The following GOT1 variants were observed in gnomAD, a reference collection of about 807,000 sequenced individuals.
The protein encoded by GOT1 is aspartate aminotransferase, cytoplasmic.
Under a neutral mutation model 48.2 loss-of-function variants are expected in GOT1, and 25 were observed. The ratio of observed to expected loss-of-function variants is 0.52; its 90% confidence interval spans 0.38 to 0.72. The LOEUF is 0.72. Ranked by LOEUF, GOT1 falls within the 30% of genes least tolerant of loss-of-function variation. GOT1 has a pLI of 0.00. For missense variants in GOT1, 380 were observed against 520.1 expected (o/e 0.73, Z 2.62); for synonymous variants, 188 against 193.8 (o/e 0.97, Z 0.25).
intron 2 of GOT1, among the ~76,000 whole-genome samples, chr10:99,418,493 T>C (rs563064672): frequency 0.017 from 702 of 41,634 alleles, 6 homozygotes; most frequent in African/African-American, 0.046. Context: ...TTCCCCACTT[T>C]CTTTTTTTTT....
intron 2 of GOT1, among the ~76,000 whole-genome samples, chr10:99,420,108 T>A (rs41436049): frequency 0.015 from 2,241 of 152,262 alleles, 32 homozygotes; most frequent in Admixed American, 0.035. Flanking sequence ...CTTTTGAAAA[T>A]CTGCTAAAAG....
At chr10:99,419,025 T>C (rs2032934477) in intron 2 of GOT1, among the ~76,000 whole-genome samples, 2 of 152,222 alleles carry the variant, frequency 1.3e-5, no homozygotes, top group African/African-American at 4.8e-5. Flanking sequence ...CCCAAGACCT[T>C]CACCAGGGCC....
At chr10:99,420,827 TAC>T in intron 1 of GOT1, 22 bp from the exon 2 acceptor site, 1 of 1,594,176 alleles carries the variant, frequency 6.3e-7, no homozygotes, top group Non-Finnish European at 8.6e-7. Flanking sequence ...AAAAGAGTTA[TAC>T]ATAGTGGAGG....
At chr10:99,430,419 G>T (rs202105295) in intron 1 of GOT1, 29 bp downstream of exon 1, 2 of 1,601,466 alleles carry the variant, frequency 1.2e-6, no homozygotes, top group East Asian at 4.5e-5. Flanking sequence ...TCCCCGAGCT[G>T]CTCACACTCC....
At chr10:99,415,401 G>T (rs1325264147) in intron 2 of GOT1, among the ~76,000 whole-genome samples, 1 of 152,172 alleles carries the variant, frequency 6.6e-6, no homozygotes, top group Non-Finnish European at 1.5e-5. Flanking sequence ...GAAAGAAGTT[G>T]AATCTCTGAA....
chr10:99,412,464 C>CT (rs2032838959), intron 2 of GOT1, among the ~76,000 whole-genome samples: 1 of 151,584 alleles, frequency 6.6e-6, no homozygotes, highest in African/African-American at 2.4e-5. Flanking sequence ...AATTAAGAGG[C>CT]TATTAGTGAA....
intron 2 of GOT1, among the ~76,000 whole-genome samples, chr10:99,409,116 AG>A (rs952976832): frequency 9.9e-4 from 149 of 150,982 alleles, no homozygotes; most frequent in African/African-American, 3.2e-3. Context: ...CATAATAAAA[AG>A]GTTTTTTTTG....
chr10:99,403,920 C>T (rs149942242), intron 5 of GOT1, 46 bp from the exon 6 acceptor site: 36 of 1,592,680 alleles, frequency 2.3e-5, no homozygotes, highest in Middle Eastern at 4.5e-4. Context: ...CTTCTGGCAC[C>T]AACCTCAGAC....
At chr10:99,423,479 C>T (rs1319581365) in intron 1 of GOT1, among the ~76,000 whole-genome samples, 1 of 152,082 alleles carries the variant, frequency 6.6e-6, no homozygotes, top group African/African-American at 2.4e-5. Context: ...CTCTACCCTC[C>T]AGGAATATGT....
At chr10:99,404,751 G>A (rs1037402216) in intron 5 of GOT1, among the ~76,000 whole-genome samples, 1 of 152,040 alleles carries the variant, frequency 6.6e-6, no homozygotes, top group Non-Finnish European at 1.5e-5. Context: ...GCTCCGCACT[G>A]CCCTGAGAAT....
At chr10:99,408,259 C>T (rs2032785790) in intron 2 of GOT1, among the ~76,000 whole-genome samples, 1 of 152,124 alleles carries the variant, frequency 6.6e-6, no homozygotes, top group Non-Finnish European at 1.5e-5. Context: ...GATGGAGTCA[C>T]TACATTCTAA....
At chr10:99,420,938 T>G in intron 1 of GOT1, 133 bp from the exon 2 acceptor site, 1 of 738,582 alleles carries the variant, frequency 1.4e-6, no homozygotes, top group Non-Finnish European at 2.2e-6. Flanking sequence ...GGAGAAAAGT[T>G]TGTTCACTTA....
At chr10:99,430,123 C>G in intron 1 of GOT1, 1 of 520,672 alleles carries the variant, frequency 1.9e-6, no homozygotes, top group South Asian at 1.6e-5. Context: ...TTCTACCTCT[C>G]TCTACAAGCT....
Position 99,397,456 on chromosome 10 carries a change from C to G in GOT1, c.*91G>C. ...CAGCCTTTCAGTCCTGCAAGTGTCT[C>G]TAATCCATGGTATGTACATGTAGGT... On this transcript the variant is annotated 3_prime_UTR_variant, in exon 9 of 9. Coordinates refer to ENST00000370508, the MANE Select transcript of GOT1 (RefSeq NM_002079.3). The surrounding 1 kb of genome is among the most constrained non-coding windows in gnomAD (Gnocchi z 5.4). 7.3e-7 allele frequency: 1 copy of G among 1,368,442 alleles called. No homozygotes were observed. Among genetic ancestry groups the G allele is most frequent in the Non-Finnish European group, 1.0e-6 (1 of 964,940 alleles). 84.8% of individuals were successfully genotyped at this position (1,368,442 alleles called of 1,614,324 possible).
At chr10:99,428,070 C>T (rs528502372) in intron 1 of GOT1, among the ~76,000 whole-genome samples, 2 of 152,156 alleles carry the variant, frequency 1.3e-5, no homozygotes, top group Non-Finnish European at 2.9e-5. Flanking sequence ...CCTGTGCTGT[C>T]GGGGTGCTTT....
chr10:99,407,866 C>A (rs1253190868), intron 2 of GOT1, among the ~76,000 whole-genome samples: 1 of 151,946 alleles, frequency 6.6e-6, no homozygotes, highest in Non-Finnish European at 1.5e-5. Context: ...CATAGCTATA[C>A]ATGTGCCATG....
chr10:99,407,886 G>A (rs879327263), intron 2 of GOT1, among the ~76,000 whole-genome samples: 1 of 151,848 alleles, frequency 6.6e-6, no homozygotes, highest in Admixed American at 6.6e-5. Context: ...GGTGGTTTGT[G>A]GCACCCATCA....
In GOT1 at chr10:99,403,626, C is replaced by G. The variant is rs1193571552; in HGVS notation, c.802G>C (p.Val268Leu). The G allele has an allele frequency of 6.2e-7, 1 of 1,614,008 alleles. No homozygotes were observed. The highest frequency in any genetic ancestry group is 1.3e-5 in the African/African-American group (1 of 74,920). The change falls in exon 7 of 9, where the codon GTC becomes CTC. Residue 268 changes from valine to leucine, a missense_variant. Physicochemically the swap from Val to Leu is conservative, Grantham distance 32. Coordinates refer to ENST00000370508, the MANE Select transcript of GOT1 (RefSeq NM_002079.3). Reference protein sequence around the residue: ...SKNFGLYNERVGNLTVVGKEP... With the variant: ...SKNFGLYNERLGNLTVVGKEP... ...TTTCCAACCACAGTCAGATTCCCGACTCTCTCATCTAAAGAGAGGGACCAG... is the reference window on the plus strand; with the variant it reads ...TTTCCAACCACAGTCAGATTCCCGAGTCTCTCATCTAAAGAGAGGGACCAG...
At chr10:99,408,050 G>C (rs964690573) in intron 2 of GOT1, among the ~76,000 whole-genome samples, 3 of 152,040 alleles carry the variant, frequency 2.0e-5, no homozygotes, top group Admixed American at 2.0e-4. Flanking sequence ...TTTTAAGTGA[G>C]AACATGAGGT....
Sources: allele counts gnomAD v4.1 joint callset (sites outside exome capture counted in the v4.1 genomes callset), GRCh38; gene constraint gnomAD v4.1.1; non-coding constraint Gnocchi (gnomAD v3.1); transcripts MANE v1.5; gene names NCBI Gene and HGNC (gene_info 2026-07-23, HGNC 2026-07-21).